LPA: variants seen among roughly 807,000 people sequenced by gnomAD.
LPA encodes the protein lipoprotein(a).
A neutral mutation model predicts 197.9 loss-of-function variants in LPA; 199 were observed. That is an observed-to-expected ratio of 1.01 (90% CI 0.90 to 1.13). LPA has a LOEUF of 1.13. Among genes scored for constraint, LPA ranks in the 50% most tolerant of loss-of-function variants. LPA has a pLI of 0.00. For missense variants in LPA, 1,853 were observed against 1,785.8 expected (o/e 1.04, Z -0.68); for synonymous variants, 715 against 639.5 (o/e 1.12, Z -1.78).
rs192679543 is a variant in LPA, at chr6:160,611,448, C to T, written c.2603+114G>A. The stretch of plus-strand genomic sequence containing the variant: ...GAAATCATCCTGAGACATTTTGCTA[C>T]ACCATCTGAATCTGACACAAGTTGA... On this transcript the variant is annotated intron_variant, in intron 16 of 38. Coordinates refer to ENST00000316300, the MANE Select transcript of LPA (RefSeq NM_005577.4). 1.5e-4 allele frequency: 228 copies of T among 1,528,240 alleles called. 1 individual carries two copies. In the East Asian group the frequency reaches 4.4e-3, roughly 30 times the overall value. The allele number at this position is 1,528,240 out of a possible 1,614,324, so 94.7% of individuals were successfully genotyped here.
chr6:160,610,505 G>C (rs1779473833), intron 16 of LPA, among the ~76,000 whole-genome samples: 1 of 152,090 alleles, frequency 6.6e-6, no homozygotes. Flanking sequence ...CTTCTTAATT[G>C]AGCTTGCTGT....
At chr6:160,577,001 A>G (rs1562328324) in intron 28 of LPA, 135 bp downstream of exon 28, 5 of 1,014,910 alleles carry the variant, frequency 4.9e-6, no homozygotes, top group Non-Finnish European at 7.6e-6. Flanking sequence ...GCTCAAAAGC[A>G]AAGGTCCTGA....
In LPA at chr6:160,558,120, C is replaced by T. The variant is rs964483140; in HGVS notation, c.4632-549G>A. On this transcript the variant is annotated intron_variant, in intron 28 of 38. Coordinates refer to ENST00000316300, the MANE Select transcript of LPA (RefSeq NM_005577.4). Reference sequence around the variant, plus strand: ...ATTTTTAGTAGAGACAGGGTTTCACCGTGTTAGCCAGGATGGTCTCAATCT... The same window carrying T: ...ATTTTTAGTAGAGACAGGGTTTCACTGTGTTAGCCAGGATGGTCTCAATCT... Among the ~76,000 whole-genome samples the T allele has an allele frequency of 7.9e-5, 12 of 152,122 alleles. No individual in the cohort carries two copies. The East Asian group carries it at 1.6e-3, about 20-fold the overall frequency.
At chr6:160,557,140 C>G (rs1337245581) in intron 29 of LPA, among the ~76,000 whole-genome samples, 1 of 152,050 alleles carries the variant, frequency 6.6e-6, no homozygotes, top group Non-Finnish European at 1.5e-5. Context: ...TCTGGAACAC[C>G]GAGATAACCC....
intron 35 of LPA, 57 bp downstream of exon 35, chr6:160,541,050 G>A (rs1777973288): frequency 7.1e-7 from 1 of 1,409,724 alleles, no homozygotes; most frequent in South Asian, 1.2e-5. Context: ...TGGAGGAAGA[G>A]AGGGAGGAAA....
intron 24 of LPA, 39 bp downstream of exon 24, chr6:160,589,514 G>T (rs41267815): frequency 6.2e-7 from 1 of 1,608,816 alleles, no homozygotes. Context: ...AAATTTAAGT[G>T]GGTGGCTGTT....
intron 28 of LPA, among the ~76,000 whole-genome samples, chr6:160,559,145 C>A (rs943677487): frequency 9.9e-5 from 15 of 152,160 alleles, no homozygotes; most frequent in African/African-American, 2.9e-4. Flanking sequence ...TTTCTGTGAC[C>A]CCAGAAACTC....
intron 7 of LPA, among the ~76,000 whole-genome samples, chr6:160,634,514 T>A (rs987177929): frequency 1.2e-4 from 17 of 138,058 alleles, no homozygotes; most frequent in Non-Finnish European, 2.3e-4. Context: ...AAAGGAGAAG[T>A]CTACTAACCT....
intron 16 of LPA, among the ~76,000 whole-genome samples, chr6:160,608,998 G>A (rs1440681512): frequency 1.3e-5 from 2 of 152,036 alleles, no homozygotes; most frequent in African/African-American, 2.4e-5. Flanking sequence ...TTAAGACATA[G>A]CTTTTTACAC....
At chr6:160,603,477 T>G (rs1476788402) in intron 18 of LPA, among the ~76,000 whole-genome samples, 2 of 152,214 alleles carry the variant, frequency 1.3e-5, no homozygotes, top group African/African-American at 2.4e-5. Context: ...TCTTCTATAC[T>G]GTTACTGTCT....
chr6:160,611,186 G>A (rs1242051933), intron 16 of LPA, among the ~76,000 whole-genome samples: 3 of 152,108 alleles, frequency 2.0e-5, no homozygotes, highest in Non-Finnish European at 2.9e-5. Context: ...GACAGAAAAG[G>A]CAAACACAAT....
At chr6:160,572,123 G>A (rs930685421) in intron 28 of LPA, among the ~76,000 whole-genome samples, 1 of 152,166 alleles carries the variant, frequency 6.6e-6, no homozygotes. Flanking sequence ...CTTTGGCTAG[G>A]GGAGGGAGTT....
intron 30 of LPA, among the ~76,000 whole-genome samples, chr6:160,553,225 A>G (rs1778193911): frequency 1.3e-5 from 2 of 152,202 alleles, no homozygotes; most frequent in Non-Finnish European, 2.9e-5. Context: ...TTTAAAAATT[A>G]GATAAATAAG....
At chr6:160,646,960 T>G (rs62442784) in intron 2 of LPA, among the ~76,000 whole-genome samples, 2 of 151,740 alleles carry the variant, frequency 1.3e-5, no homozygotes, top group Non-Finnish European at 2.9e-5. Flanking sequence ...ACCTTTCCCA[T>G]GGAAAAGCAT....
Position 160,585,628 on chromosome 6 carries a change from A to C in LPA, c.4130-423T>G, listed in dbSNP as rs75695638. Among the ~76,000 whole-genome samples, 586 of 152,162 alleles carry C rather than the reference A, an allele frequency of 3.9e-3. 5 individuals carry two copies. Among genetic ancestry groups the C allele is most frequent in the African/African-American group, 0.014 (561 of 41,536 alleles). On this transcript the variant is annotated intron_variant, in intron 25 of 38. Coordinates refer to ENST00000316300, the MANE Select transcript of LPA (RefSeq NM_005577.4). ...ACATGAAACCCTTGCACACTAGACC[A>C]CTGCTCCTCCAAAGCAAAAGCCTTC... is the stretch of plus-strand genomic sequence containing the variant.
chr6:160,658,799 G>T (rs1780172358), intron 1 of LPA, among the ~76,000 whole-genome samples: 1 of 151,842 alleles, frequency 6.6e-6, no homozygotes, highest in Admixed American at 6.6e-5. Flanking sequence ...TTAATATTCT[G>T]TTCCTCAAGA....
chr6:160,651,621 G>T (rs1780007163), intron 1 of LPA, among the ~76,000 whole-genome samples: 1 of 152,140 alleles, frequency 6.6e-6, no homozygotes, highest in South Asian at 2.1e-4. Context: ...GATACCCAGT[G>T]TTTGATTAAA....
At chr6:160,594,143 G>A in intron 21 of LPA, 26 bp from the exon 22 acceptor site, 2 of 1,613,418 alleles carry the variant, frequency 1.2e-6, no homozygotes, top group East Asian at 2.2e-5. Context: ...GAGAAATCAA[G>A]CTGAGTAATT....
intron 28 of LPA, among the ~76,000 whole-genome samples, chr6:160,574,336 T>C (rs1228145474): frequency 6.6e-6 from 1 of 152,170 alleles, no homozygotes; most frequent in Admixed American, 6.5e-5. Flanking sequence ...ACCTCCCAGC[T>C]GTGAAAGAAA....
Sources: allele counts gnomAD v4.1 joint callset (sites outside exome capture counted in the v4.1 genomes callset), GRCh38; gene constraint gnomAD v4.1.1; transcripts MANE v1.5; gene names NCBI Gene and HGNC (gene_info 2026-07-23, HGNC 2026-07-21).